The following NR3C2 variants were observed in gnomAD, a reference collection of about 807,000 sequenced individuals.
NR3C2 encodes nuclear receptor subfamily 3 group C member 2.
In NR3C2, 15 loss-of-function variants were observed where a neutral mutation model predicts 86.4. The observed-to-expected ratio is 0.17, with a 90% confidence interval of 0.12 to 0.27. NR3C2 has a LOEUF of 0.27. NR3C2 is among the 10% of genes least tolerant of loss of function. The pLI is 1.00. For missense variants in NR3C2, 960 were observed against 1,195.6 expected, an observed-to-expected ratio of 0.80 and a Z score of 2.91; for synonymous variants, 458 against 450.5, an observed-to-expected ratio of 1.02 and a Z score of -0.21.
chr4:148,150,363 T>G (rs1400112339), intron 6 of NR3C2, among the ~76,000 whole-genome samples: 1 of 152,232 alleles, frequency 6.6e-6, no homozygotes, highest in African/African-American at 2.4e-5. Context: ...TATTCCTAGT[T>G]TGTTAACATT....
intron 3 of NR3C2, among the ~76,000 whole-genome samples, chr4:148,203,963 A>C (rs1736868767): frequency 6.6e-6 from 1 of 152,192 alleles, no homozygotes; most frequent in Non-Finnish European, 1.5e-5. Context: ...TTAGGATTCT[A>C]ACATTTTAAT....
At chr4:148,135,263 A>G (rs1733246548) in intron 6 of NR3C2, among the ~76,000 whole-genome samples, 1 of 152,148 alleles carries the variant, frequency 6.6e-6, no homozygotes, top group Admixed American at 6.5e-5. Flanking sequence ...ACCCGCTACA[A>G]TCACCTCCTG....
chr4:148,242,698 C>T lies in NR3C2; in HGVS notation c.1897+17280G>A, dbSNP rs142762379. Among the ~76,000 whole-genome samples, 452 of 152,296 alleles carry T rather than the reference C, an allele frequency of 3.0e-3. 1 individual carries two copies. Among genetic ancestry groups the T allele is most frequent in the African/African-American group, 0.011 (438 of 41,578 alleles). ...TTTTCTCACAGAAGCAGGGGAAAGA[C>T]TACTTACTAAAAACTGTTTAACCAA... On this transcript the variant is annotated intron_variant, in intron 3 of 8. Transcript: ENST00000358102.
intron 2 of NR3C2, among the ~76,000 whole-genome samples, chr4:148,417,543 G>A (rs61758335): frequency 2.0e-5 from 3 of 152,154 alleles, no homozygotes; most frequent in Non-Finnish European, 4.4e-5. Flanking sequence ...GCAGTTTTTA[G>A]ACTAGATGGC....
chr4:148,415,497 T>C (rs1020986657), intron 2 of NR3C2, among the ~76,000 whole-genome samples: 2 of 152,150 alleles, frequency 1.3e-5, no homozygotes, highest in Non-Finnish European at 2.9e-5. Flanking sequence ...GTGGTTTTAA[T>C]AGATGTTACA....
At chr4:148,218,074 A>G (rs1233162755) in intron 3 of NR3C2, among the ~76,000 whole-genome samples, 3 of 152,216 alleles carry the variant, frequency 2.0e-5, no homozygotes, top group Non-Finnish European at 4.4e-5. Flanking sequence ...AGAGTAGTAT[A>G]AAAGAAAAAG....
At chr4:148,267,053 G>C (rs767884708) in intron 2 of NR3C2, among the ~76,000 whole-genome samples, 5 of 152,088 alleles carry the variant, frequency 3.3e-5, no homozygotes, top group Non-Finnish European at 7.4e-5. Context: ...CAGAATTATA[G>C]TCTACCCAAA....
At chr4:148,419,281 A>G (rs1162973355) in intron 2 of NR3C2, among the ~76,000 whole-genome samples, 1 of 152,164 alleles carries the variant, frequency 6.6e-6, no homozygotes, top group Non-Finnish European at 1.5e-5. Context: ...TTATATTTTA[A>G]CAACAACCAA....
intron 6 of NR3C2, among the ~76,000 whole-genome samples, chr4:148,144,117 A>G (rs1437978759): frequency 1.3e-5 from 2 of 152,124 alleles, no homozygotes; most frequent in African/African-American, 4.8e-5. Flanking sequence ...ATTATGATGT[A>G]ACTCAGAAGC....
At chr4:148,150,543 A>G (rs1490411951) in intron 6 of NR3C2, among the ~76,000 whole-genome samples, 1 of 152,160 alleles carries the variant, frequency 6.6e-6, no homozygotes, top group East Asian at 1.9e-4. Context: ...CAAAAGGCAT[A>G]AAAATGCAAA....
chr4:148,281,460 C>T (rs1741235856), intron 2 of NR3C2, among the ~76,000 whole-genome samples: 1 of 152,174 alleles, frequency 6.6e-6, no homozygotes. Flanking sequence ...TAATTTCAAT[C>T]ACTACCAAAT....
intron 2 of NR3C2, among the ~76,000 whole-genome samples, chr4:148,271,336 A>ATTC (rs949934572): frequency 1.3e-5 from 2 of 152,184 alleles, no homozygotes; most frequent in Non-Finnish European, 2.9e-5. Context: ...TGGCATGACC[A>ATTC]GAACAATGAA....
chr4:148,112,866 G>T (rs1732105350), intron 8 of NR3C2, among the ~76,000 whole-genome samples: 1 of 151,782 alleles, frequency 6.6e-6, no homozygotes, highest in Non-Finnish European at 1.5e-5. Context: ...TTATAATACT[G>T]GTCATCAATG....
At chr4:148,442,695 C>A, upstream of NR3C2, 1 of 985,392 alleles carries the variant, frequency 1.0e-6, no homozygotes, top group Non-Finnish European at 1.2e-6. Context: ...AAAGTTGCTG[C>A]GACACAGCCT....
rs1039520133 is a variant in NR3C2, at chr4:148,416,035, T to C, written c.1757+19069A>G. On this transcript the variant is annotated intron_variant, in intron 2 of 8. Transcript: ENST00000358102. ...CACAAATTCTGTCTATAGAGCTGCATATCATAATATTAAATATAAAAAATA... is the reference window on the plus strand; with the variant it reads ...CACAAATTCTGTCTATAGAGCTGCACATCATAATATTAAATATAAAAAATA... 4.6e-5 allele frequency among the ~76,000 whole-genome samples: 7 copies of C among 152,256 alleles called. No homozygotes were observed. In the Middle Eastern group the frequency reaches 0.01, roughly 223 times the overall value.
intron 4 of NR3C2, among the ~76,000 whole-genome samples, chr4:148,171,480 C>T (rs1005532309): frequency 6.6e-6 from 1 of 152,120 alleles, no homozygotes; most frequent in Admixed American, 6.5e-5. Flanking sequence ...CCTTGGACAG[C>T]GATGGGGAGG....
At chr4:148,118,049 A>G (rs1014420864) in intron 7 of NR3C2, among the ~76,000 whole-genome samples, 9 of 152,032 alleles carry the variant, frequency 5.9e-5, no homozygotes, top group Non-Finnish European at 8.8e-5. Context: ...GTCTCCTGTC[A>G]TCTTTCTGGG....
rs67177081 is a variant in NR3C2 at position 148,143,947 on chromosome 4, CAAAAAAAAAAAAAA to C, written c.2510+8508_2510+8521del. 6.7e-4 allele frequency among the ~76,000 whole-genome samples: 43 copies of C among 64,442 alleles called. No individual in the cohort carries two copies. In the East Asian group the frequency reaches 0.023, roughly 34 times the overall value. 42.3% of individuals were successfully genotyped at this position (64,442 alleles called of 152,430 possible). A position where few individuals can be genotyped will look rare whatever the true frequency, so the allele number is the denominator to read the frequency against. The stretch of plus-strand genomic sequence containing the variant: ...GGGCAACAAGAGCGAAACTCTGTCT[CAAAAAAAAAAAAAA>C]AAAAAAAAAAGACAAATGAAGAACT... On this transcript the variant is annotated intron_variant, in intron 6 of 8. Coordinates refer to ENST00000358102, the MANE Select transcript of NR3C2 (RefSeq NM_000901.5).
intron 4 of NR3C2, 144 bp from the exon 5 acceptor site, chr4:148,155,045 T>C (rs565935212): frequency 2.9e-6 from 2 of 693,930 alleles, no homozygotes; most frequent in Non-Finnish European, 5.0e-6. Flanking sequence ...AGAGAAAATA[T>C]ATAAAGCTCA....
Sources: allele counts gnomAD v4.1 joint callset (sites outside exome capture counted in the v4.1 genomes callset), GRCh38; gene constraint gnomAD v4.1.1; transcripts MANE v1.5; gene names NCBI Gene and HGNC (gene_info 2026-07-23, HGNC 2026-07-21).